The following EBF1 variants were observed in gnomAD, a reference collection of about 807,000 sequenced individuals.
EBF1 encodes the protein EBF transcription factor 1.
A neutral mutation model predicts 68.4 loss-of-function variants in EBF1; 10 were observed. The observed-to-expected ratio is 0.15, with a 90% confidence interval of 0.09 to 0.25. EBF1 has a LOEUF of 0.25. EBF1 is among the 10% of genes least tolerant of loss of function. The pLI is 1.00. For missense variants in EBF1, 509 were observed against 794.4 expected (o/e 0.64, Z 4.32); for synonymous variants, 298 against 299.8 (o/e 0.99, Z 0.06).
intron 6 of EBF1, among the ~76,000 whole-genome samples, chr5:158,847,704 A>C (rs925643883): frequency 1.3e-5 from 2 of 152,256 alleles, no homozygotes; most frequent in African/African-American, 2.4e-5. Flanking sequence ...ATGATTTGAA[A>C]TGTGGCAGAA....
chr5:158,777,332 T>C, intron 10 of EBF1, 81 bp downstream of exon 10: 1 of 1,336,258 alleles, frequency 7.5e-7, no homozygotes, highest in Non-Finnish European at 9.8e-7. Context: ...ATAAAATACA[T>C]GCTTTTATAC....
intron 6 of EBF1, among the ~76,000 whole-genome samples, chr5:158,882,954 A>C (rs980119230): frequency 1.3e-5 from 2 of 152,158 alleles, no homozygotes; most frequent in African/African-American, 4.8e-5. Context: ...GGGGTGAATC[A>C]TTCCATTTCT....
intron 9 of EBF1, among the ~76,000 whole-genome samples, chr5:158,787,291 C>A (rs548903879): frequency 7.9e-5 from 12 of 152,232 alleles, no homozygotes; most frequent in Middle Eastern, 3.4e-3. Context: ...TTTGCTTTTT[C>A]GGCTTTCCAT....
At chr5:158,909,369 C>A (rs934486014) in intron 6 of EBF1, among the ~76,000 whole-genome samples, 3 of 152,048 alleles carry the variant, frequency 2.0e-5, no homozygotes, top group African/African-American at 7.2e-5. Flanking sequence ...GACACAGAAA[C>A]AAATGCCAAA....
chr5:159,021,735 C>A (rs1399329254), intron 6 of EBF1, among the ~76,000 whole-genome samples: 1 of 152,188 alleles, frequency 6.6e-6, no homozygotes, highest in African/African-American at 2.4e-5. Context: ...CGATCGTGAA[C>A]AATAAGGATA....
intron 10 of EBF1, among the ~76,000 whole-genome samples, chr5:158,755,605 G>A (rs1769900707): frequency 6.6e-6 from 1 of 152,150 alleles, no homozygotes; most frequent in Non-Finnish European, 1.5e-5. Context: ...TTAACTAGCT[G>A]AAGGCCTAAA....
chr5:158,949,288 C>T (rs1417787014), intron 6 of EBF1, among the ~76,000 whole-genome samples: 1 of 152,158 alleles, frequency 6.6e-6, no homozygotes, highest in East Asian at 1.9e-4. Context: ...ATAGTTTCCA[C>T]ATCGTGATGG....
intron 6 of EBF1, among the ~76,000 whole-genome samples, chr5:158,898,799 G>A (rs1334739595): frequency 6.6e-6 from 1 of 152,208 alleles, no homozygotes; most frequent in East Asian, 1.9e-4. Context: ...ATCCAACAGT[G>A]AAGATTTAGG....
Position 158,698,864 on chromosome 5 carries a change from A to T in EBF1, c.*247T>A, listed in dbSNP as rs1288137649. 1.0e-5 allele frequency: 4 copies of T among 396,676 alleles called. No individual in the cohort carries two copies. In the East Asian group the frequency reaches 1.5e-4, roughly 14 times the overall value. 24.6% of individuals were successfully genotyped at this position (396,676 alleles called of 1,614,324 possible). On this transcript the variant is annotated 3_prime_UTR_variant, in exon 16 of 16. Transcript: ENST00000313708. Reference sequence around the variant, plus strand: ...AGAAAAAGTGGATTTGCTTTTGTCAATACAGAATAAATATATCCCCCAAAT... The same window carrying T: ...AGAAAAAGTGGATTTGCTTTTGTCATTACAGAATAAATATATCCCCCAAAT...
chr5:159,006,757 A>C (rs1289160558), intron 6 of EBF1, among the ~76,000 whole-genome samples: 1 of 151,564 alleles, frequency 6.6e-6, no homozygotes, highest in Non-Finnish European at 1.5e-5. Context: ...AATTATACCC[A>C]ACTATACCCA....
intron 6 of EBF1, among the ~76,000 whole-genome samples, chr5:159,011,335 T>TCTGCTGTGCAGGTCCCACGCCTCC (rs1256137598): frequency 1.3e-5 from 2 of 152,202 alleles, no homozygotes; most frequent in Admixed American, 6.5e-5. Flanking sequence ...TTTCAGGCTC[T>TCTGCTGTGCAGGTCCCACGCCTCC]CTGCTGTGCA....
At chr5:158,703,497 G>A (rs1428534873) in intron 15 of EBF1, among the ~76,000 whole-genome samples, 1 of 151,272 alleles carries the variant, frequency 6.6e-6, no homozygotes, top group Non-Finnish European at 1.5e-5. Flanking sequence ...CTCCAAGATA[G>A]TGATCCAGGG....
At chr5:158,823,432 C>T (rs1785305838) in intron 7 of EBF1, 115 bp from the exon 8 acceptor site, 1 of 957,386 alleles carries the variant, frequency 1.0e-6, no homozygotes, top group Admixed American at 2.8e-5. Flanking sequence ...AGCTATTTCA[C>T]ATAATAACTG....
chr5:158,800,273 T>A (rs1339066900), intron 8 of EBF1, among the ~76,000 whole-genome samples: 2 of 152,148 alleles, frequency 1.3e-5, no homozygotes, highest in African/African-American at 4.8e-5. Flanking sequence ...TTAAATGATA[T>A]ATATGAACCT....
chr5:159,094,601 C>T (rs1782248613), intron 4 of EBF1, among the ~76,000 whole-genome samples: 1 of 152,052 alleles, frequency 6.6e-6, no homozygotes, highest in East Asian at 1.9e-4. Flanking sequence ...ACTTTCTCAG[C>T]CAATATCTAT....
At chr5:159,072,872 T>C (rs1778074840) in intron 6 of EBF1, among the ~76,000 whole-genome samples, 1 of 152,160 alleles carries the variant, frequency 6.6e-6, no homozygotes, top group Non-Finnish European at 1.5e-5. Flanking sequence ...ACTTACAATA[T>C]GGTCTCATAC....
At chr5:158,744,023 C>A (rs550656338) in intron 10 of EBF1, among the ~76,000 whole-genome samples, 17 of 151,880 alleles carry the variant, frequency 1.1e-4, no homozygotes, top group Non-Finnish European at 5.9e-5. Flanking sequence ...ATACAAAAAT[C>A]AGCCAGGTGT....
intron 6 of EBF1, among the ~76,000 whole-genome samples, chr5:158,923,251 ACAGCT>A (rs1808835086): frequency 6.6e-6 from 1 of 152,218 alleles, no homozygotes. Flanking sequence ...AAAGATTTTA[ACAGCT>A]GCCTGAAAAG....
At chr5:159,030,747 G>A (rs553221842) in intron 6 of EBF1, among the ~76,000 whole-genome samples, 1 of 152,180 alleles carries the variant, frequency 6.6e-6, no homozygotes, top group Non-Finnish European at 1.5e-5. Context: ...GTGAATTTAA[G>A]CCCACAGGCC....
Sources: allele counts gnomAD v4.1 joint callset (sites outside exome capture counted in the v4.1 genomes callset), GRCh38; gene constraint gnomAD v4.1.1; transcripts MANE v1.5; gene names NCBI Gene and HGNC (gene_info 2026-07-23, HGNC 2026-07-21).